The following OAF variants were observed in gnomAD, a reference collection of about 807,000 sequenced individuals.
The protein encoded by OAF is out at first homolog.
In OAF, 13 loss-of-function variants were observed where a neutral mutation model predicts 22.5. The ratio of observed to expected loss-of-function variants is 0.58; its 90% CI spans 0.38 to 0.92. The LOEUF (loss-of-function observed/expected upper bound fraction) is 0.92. OAF is among the 40% of genes least tolerant of loss of function. The pLI is 0.00. For synonymous variants in OAF, 175 were observed against 170.5 expected (o/e 1.03, Z -0.21); for missense variants, 347 against 381.8 (o/e 0.91, Z 0.76).
chr11:120,212,342 T>A (rs930150934), intron 1 of OAF, among the ~76,000 whole-genome samples: 17 of 151,812 alleles, frequency 1.1e-4, no homozygotes, highest in Non-Finnish European at 1.9e-4. Flanking sequence ...TGTGTGTGTC[T>A]GTGTTGGAGG....
chr11:120,228,821 T>TACCAACCAAACCA, intron 3 of OAF, 47 bp from the exon 4 acceptor site: 1 of 520,280 alleles, frequency 1.9e-6, no homozygotes, highest in Non-Finnish European at 3.6e-6. Flanking sequence ...GGGAGCTCCT[T>TACCAACCAAACCA]CCCTCCCTCC....
At chr11:120,222,413 G>T (rs528551562) in intron 1 of OAF, among the ~76,000 whole-genome samples, 3 of 152,034 alleles carry the variant, frequency 2.0e-5, no homozygotes, top group African/African-American at 7.2e-5. Context: ...AAAATTAGCC[G>T]GGCATGGTGG....
At chr11:120,228,042 G>C (rs1440698204) in intron 3 of OAF, among the ~76,000 whole-genome samples, 1 of 151,324 alleles carries the variant, frequency 6.6e-6, no homozygotes, top group Non-Finnish European at 1.5e-5. Flanking sequence ...GCCCCACTGT[G>C]GGTGTGCTTT....
intron 1 of OAF, among the ~76,000 whole-genome samples, chr11:120,223,998 G>C (rs938432169): frequency 2.0e-5 from 3 of 152,216 alleles, no homozygotes; most frequent in Non-Finnish European, 2.9e-5. Flanking sequence ...GGGAAGATCA[G>C]ATAGCCCAGG....
In OAF at chr11:120,211,283, C is replaced by T. The variant is rs1393353919; in HGVS notation, c.4C>T (p.Arg2Cys). MRLPGVPLARPA... is the reference protein window; with the variant it reads MCLPGVPLARPA... ...CGGACGGCAGCGGCCCCCGGGGATG[C>T]GCCTTCCCGGGGTACCCCTGGCGCG... is the stretch of plus-strand genomic sequence containing the variant. The change falls in exon 1 of 4, where the codon CGC (arginine) becomes TGC (cysteine). Residue 2 changes from arginine to cysteine, a missense_variant. Coordinates refer to ENST00000328965, the MANE Select transcript of OAF (RefSeq NM_178507.4). 4.0e-6 allele frequency: 5 copies of T among 1,241,016 alleles called. No individual in the cohort carries two copies. Among genetic ancestry groups the T allele is most frequent in the Non-Finnish European group, 3.0e-6 (3 of 991,988 alleles). The allele number at this position is 1,241,016 out of a possible 1,614,324, so 76.9% of individuals were successfully genotyped here. A position where few individuals can be genotyped will look rare whatever the true frequency, so the allele number is the denominator to read the frequency against.
intron 1 of OAF, among the ~76,000 whole-genome samples, chr11:120,213,189 C>CTG (rs1565340457): frequency 6.6e-6 from 1 of 151,666 alleles, no homozygotes; most frequent in African/African-American, 2.4e-5. Flanking sequence ...TTAGCTACAT[C>CTG]TGGAAGGTTT....
At position 120,229,310 on chromosome 11, in the gene OAF, G is replaced by C; in HGVS notation, c.*168G>C. 1 of 655,064 alleles carries C rather than the reference G, an allele frequency of 1.5e-6. No individual in the cohort carries two copies. Among genetic ancestry groups the C allele is most frequent in the Non-Finnish European group, 2.6e-6 (1 of 387,596 alleles). 40.6% of individuals were successfully genotyped at this position (655,064 alleles called of 1,614,324 possible). On this transcript the variant is annotated 3_prime_UTR_variant, in exon 4 of 4. Transcript: ENST00000328965. ...CTCACATGACTGTGAAGGGGGTGTG[G>C]CATGGCAGGGGGTCTCATGAAGGCA...
Position 120,229,275 on chromosome 11 carries a change from C to A in OAF, c.*133C>A. On this transcript the variant is annotated 3_prime_UTR_variant, in exon 4 of 4. Transcript: ENST00000328965. ...CCCTGGCCCTAGAGCCTGGGCCCCTCTGGCCCCATCTCACATGACTGTGAA... is the reference window on the plus strand; with the variant it reads ...CCCTGGCCCTAGAGCCTGGGCCCCTATGGCCCCATCTCACATGACTGTGAA... The A allele has an allele frequency of 1.3e-6, 1 of 796,664 alleles. No homozygotes were observed. Among genetic ancestry groups the A allele is most frequent in the Non-Finnish European group, 2.0e-6 (1 of 509,112 alleles). 49.3% of individuals were successfully genotyped at this position (796,664 alleles called of 1,614,324 possible).
intron 1 of OAF, among the ~76,000 whole-genome samples, chr11:120,219,416 G>A (rs887171275): frequency 2.0e-5 from 3 of 152,188 alleles, no homozygotes; most frequent in Non-Finnish European, 2.9e-5. Context: ...TGGCAAAACA[G>A]CCTGTTTCAT....
intron 3 of OAF, among the ~76,000 whole-genome samples, chr11:120,228,253 TTTTGTGC>T (rs1170779780): frequency 6.6e-6 from 1 of 152,056 alleles, no homozygotes; most frequent in Non-Finnish European, 1.5e-5. Flanking sequence ...CCCAGCTAAT[TTTTGTGC>T]TTTTAGTAGA....
chr11:120,223,731 G>A (rs550695794), intron 1 of OAF, among the ~76,000 whole-genome samples: 116 of 152,314 alleles, frequency 7.6e-4, no homozygotes, highest in South Asian at 2.5e-3. Flanking sequence ...TGAGACTTCC[G>A]GATATTTCCT....
intron 1 of OAF, among the ~76,000 whole-genome samples, chr11:120,218,673 A>G (rs1193372875): frequency 1.3e-5 from 2 of 152,168 alleles, no homozygotes; most frequent in African/African-American, 4.8e-5. Flanking sequence ...GAGGGGGCCA[A>G]GTGGCTTGTG....
intron 3 of OAF, 43 bp from the exon 4 acceptor site, chr11:120,228,825 T>TTCC: frequency 6.9e-6 from 3 of 434,170 alleles, no homozygotes; most frequent in East Asian, 5.5e-5. Flanking sequence ...GCTCCTTCCC[T>TTCC]CCCTCCCTCC....
intron 1 of OAF, among the ~76,000 whole-genome samples, chr11:120,211,879 T>A (rs1470311685): frequency 1.6e-4 from 24 of 149,916 alleles, no homozygotes; most frequent in Non-Finnish European, 3.1e-4. Context: ...GGGTTCTCCC[T>A]GTGTGATCTA....
intron 3 of OAF, among the ~76,000 whole-genome samples, chr11:120,227,885 C>T (rs910577023): frequency 6.6e-6 from 1 of 152,104 alleles, no homozygotes; most frequent in Non-Finnish European, 1.5e-5. Flanking sequence ...CAGACTATGC[C>T]GCAAGCTTGA....
Position 120,223,492 on chromosome 11 carries a change from C to T in OAF, c.232-2169C>T, listed in dbSNP as rs114071622. 5.7e-3 allele frequency among the ~76,000 whole-genome samples: 873 copies of T among 152,308 alleles called. 10 individuals are homozygous for T. The highest frequency in any genetic ancestry group is 0.019 in the African/African-American group (799 of 41,562). On this transcript the variant is annotated intron_variant, in intron 1 of 3. Transcript: ENST00000328965. The stretch of plus-strand genomic sequence containing the variant: ...CTTTTTCCTATACAAATAGGAGATA[C>T]AGAGGAAATCCTCTCAGTGAGAAAT...
intron 2 of OAF, 62 bp from the exon 3 acceptor site, chr11:120,226,754 A>G: frequency 6.8e-7 from 1 of 1,468,368 alleles, no homozygotes; most frequent in South Asian, 1.3e-5. Flanking sequence ...CTGGAGGGTC[A>G]GGGGAAGATG....
At chr11:120,212,548 G>A (rs1938163453) in intron 1 of OAF, among the ~76,000 whole-genome samples, 1 of 151,484 alleles carries the variant, frequency 6.6e-6, no homozygotes, top group Admixed American at 6.6e-5. Context: ...CCCTGGGGGA[G>A]TGCAGGGGTG....
At chr11:120,216,901 C>T (rs764407138) in intron 1 of OAF, among the ~76,000 whole-genome samples, 2 of 152,210 alleles carry the variant, frequency 1.3e-5, no homozygotes, top group Non-Finnish European at 2.9e-5. Context: ...TGAGCAGTCC[C>T]TCATGTCACA....
Sources: allele counts gnomAD v4.1 joint callset (sites outside exome capture counted in the v4.1 genomes callset), GRCh38; gene constraint gnomAD v4.1.1; transcripts MANE v1.5; gene names NCBI Gene and HGNC (gene_info 2026-07-23, HGNC 2026-07-21).